CUBN: variants seen among roughly 807,000 people sequenced by gnomAD.
CUBN encodes the protein 460 kDa receptor.
In CUBN, 282 loss-of-function variants were observed where a neutral mutation model predicts 405.3. That is an observed-to-expected ratio of 0.70 (90% confidence interval 0.63 to 0.77). The LOEUF (loss-of-function observed/expected upper bound fraction) is 0.77. Among genes scored for constraint, CUBN ranks in the 30% least tolerant of loss-of-function variants. CUBN has a pLI of 0.00. For missense variants in CUBN, 4,514 were observed against 4,475.2 expected (o/e 1.01, Z -0.25); for synonymous variants, 1,684 against 1,617.0 (o/e 1.04, Z -0.99).
intron 17 of CUBN, among the ~76,000 whole-genome samples, chr10:17,078,920 C>T (rs577857390): frequency 3.9e-5 from 6 of 152,170 alleles, no homozygotes; most frequent in Non-Finnish European, 8.8e-5. Context: ...CTACATCACG[C>T]ATGTTCAATG....
intron 22 of CUBN, among the ~76,000 whole-genome samples, chr10:17,054,889 T>C (rs191899937): frequency 5.9e-5 from 9 of 152,198 alleles, no homozygotes; most frequent in Admixed American, 2.0e-4. Context: ...AATTAAGAAA[T>C]TGTTTATATT....
At position 17,065,491 on chromosome 10, in the gene CUBN, C is replaced by T; in HGVS notation, c.3139+17G>A. The T allele has an allele frequency of 6.2e-7, 1 of 1,612,348 alleles. No individual in the cohort carries two copies. Among genetic ancestry groups the T allele is most frequent in the African/African-American group, 1.3e-5 (1 of 74,918 alleles). On this transcript the variant is annotated intron_variant, in intron 22 of 66. Transcript: ENST00000377833. ...AATGGAGTCAATAAAACCGAGTATG[C>T]AATGCTGTTTTGTTACCTGTTGCTG... is the stretch of plus-strand genomic sequence containing the variant.
At chr10:16,882,461 C>T (rs976957029) in intron 56 of CUBN, among the ~76,000 whole-genome samples, 2 of 152,048 alleles carry the variant, frequency 1.3e-5, no homozygotes, top group Non-Finnish European at 2.9e-5. Flanking sequence ...TCTATTTTTC[C>T]GGGATTTATT....
chr10:16,846,812 C>CAAA (rs59819645), intron 60 of CUBN, among the ~76,000 whole-genome samples: 1 of 135,020 alleles, frequency 7.4e-6, no homozygotes, highest in Non-Finnish European at 1.6e-5. Context: ...AACTCTGTCT[C>CAAA]AAAAAAAAAA....
rs377204067 is a variant in CUBN, at chr10:16,890,519, T to C, written c.8607A>G (p.Ala2869=). 22 of 1,614,084 alleles carry C rather than the reference T, an allele frequency of 1.4e-5. No homozygotes were observed. The highest frequency in any genetic ancestry group is 1.9e-5 in the Non-Finnish European group (22 of 1,180,040). The change falls in exon 55 of 67, where the codon GCA becomes GCG. Residue 2869 remains alanine, a synonymous_variant. Coordinates refer to ENST00000377833, the MANE Select transcript of CUBN (RefSeq NM_001081.4). ...QCQNSFVKVW[A]GTEEVDKALL... is the part of the protein sequence containing the mutation. ...GGGCTTTGTCCACCTCCTCAGTTCC[T>C]GCCCACACCTAGCACGGACATACAC...
intron 31 of CUBN, among the ~76,000 whole-genome samples, chr10:16,971,819 A>G (rs761216788): frequency 2.7e-4 from 41 of 151,966 alleles, no homozygotes; most frequent in Non-Finnish European, 5.3e-4. Flanking sequence ...TTTTTAAAAA[A>G]CCAACTCTCC....
At chr10:16,847,189 A>T (rs1403778933) in intron 60 of CUBN, among the ~76,000 whole-genome samples, 1 of 152,198 alleles carries the variant, frequency 6.6e-6, no homozygotes, top group Non-Finnish European at 1.5e-5. Flanking sequence ...GTGGTGGCTC[A>T]TGCCTGTAAT....
At chr10:16,992,843 A>C (rs187807838) in intron 28 of CUBN, among the ~76,000 whole-genome samples, 47 of 152,322 alleles carry the variant, frequency 3.1e-4, no homozygotes, top group Admixed American at 7.8e-4. Context: ...ATGTGCTGAC[A>C]TTGTTTAGAG....
At chr10:16,860,317 GCAAATATGAAT>G in intron 59 of CUBN, among the ~76,000 whole-genome samples, 1 of 151,922 alleles carries the variant, frequency 6.6e-6, no homozygotes, top group South Asian at 2.1e-4. Context: ...AACATATCAC[GCAAATATGAAT>G]CAAAAGAAAG....
chr10:16,872,347 T>C (rs1484352838), intron 58 of CUBN, among the ~76,000 whole-genome samples: 3 of 111,512 alleles, frequency 2.7e-5, no homozygotes, highest in African/African-American at 1.7e-4. Context: ...ATTGTATACA[T>C]ACATATATAT....
chr10:16,866,039 C>T (rs139466888), intron 59 of CUBN, among the ~76,000 whole-genome samples: 3,020 of 152,218 alleles, frequency 0.02, 46 homozygotes, highest in Middle Eastern at 0.058. Flanking sequence ...TGTCTGTCCC[C>T]CTGCTGTCTT....
chr10:16,980,381 G>C (rs2932897), intron 31 of CUBN, among the ~76,000 whole-genome samples: 126,276 of 152,142 alleles, frequency 0.83, 54,374 homozygotes, highest in Non-Finnish European at 0.96. Flanking sequence ...ACTATAAAGA[G>C]AGATGCACAC....
Position 17,103,176 on chromosome 10 carries a change from A to G in CUBN, c.1479T>C (p.Gly493=), listed in dbSNP as rs765996128. 6.2e-6 allele frequency: 10 copies of G among 1,614,030 alleles called. No homozygotes were observed. The highest frequency in any genetic ancestry group is 2.2e-5 in the East Asian group (1 of 44,876). ...AGAAGCAGTTAACATCATGAACATA[A>G]CCAACATCCGGGCTCCTGTAGCTGA... ...GSFSYRSPDV[G]YVHDVNCFWV... is the part of the protein sequence containing the mutation. The change falls in exon 13 of 67, where the codon GGT becomes GGC. Residue 493 remains glycine (G), a synonymous_variant. Coordinates refer to ENST00000377833, the MANE Select transcript of CUBN (RefSeq NM_001081.4).
At chr10:16,958,320 A>C (rs1843127192) in intron 31 of CUBN, among the ~76,000 whole-genome samples, 1 of 152,156 alleles carries the variant, frequency 6.6e-6, no homozygotes, top group Admixed American at 6.6e-5. Flanking sequence ...AGGTTTTCTC[A>C]AGACCAGCCT....
intron 9 of CUBN, among the ~76,000 whole-genome samples, chr10:17,110,374 C>G (rs1471492538): frequency 6.6e-6 from 1 of 152,152 alleles, no homozygotes; most frequent in Non-Finnish European, 1.5e-5. Flanking sequence ...TGCATTATCT[C>G]TGTAGCTATT....
At chr10:17,035,088 A>T (rs1564489102) in intron 27 of CUBN, among the ~76,000 whole-genome samples, 2 of 118,168 alleles carry the variant, frequency 1.7e-5, no homozygotes, top group African/African-American at 2.5e-5. Context: ...ATAAAAAAAA[A>T]AAATAAACAA....
chr10:17,082,446 C>T (rs183591202), intron 17 of CUBN, among the ~76,000 whole-genome samples: 143 of 152,220 alleles, frequency 9.4e-4, no homozygotes, highest in Non-Finnish European at 1.5e-3. Flanking sequence ...TTCATGGAAC[C>T]GCTCACTGAA....
intron 36 of CUBN, among the ~76,000 whole-genome samples, chr10:16,946,957 A>G (rs185974662): frequency 1.3e-5 from 2 of 152,306 alleles, no homozygotes; most frequent in African/African-American, 4.8e-5. Context: ...AAAAAAAAAG[A>G]TAAGATTCCT....
intron 39 of CUBN, among the ~76,000 whole-genome samples, chr10:16,935,083 T>G (rs569382011): frequency 6.6e-6 from 1 of 152,214 alleles, no homozygotes; most frequent in African/African-American, 2.4e-5. Context: ...TGCTTTGTCA[T>G]GTACCCATTT....
Sources: allele counts gnomAD v4.1 joint callset (sites outside exome capture counted in the v4.1 genomes callset), GRCh38; gene constraint gnomAD v4.1.1; transcripts MANE v1.5; gene names NCBI Gene and HGNC (gene_info 2026-07-23, HGNC 2026-07-21).